The following OXR1 variants were observed in gnomAD, a reference collection of about 807,000 sequenced individuals.
The protein encoded by OXR1 is oxidation resistance protein 1.
A neutral mutation model predicts 104.6 loss-of-function variants in OXR1; 41 were observed. That is an observed-to-expected ratio of 0.39 (90% confidence interval 0.31 to 0.51). The LOEUF (loss-of-function observed/expected upper bound fraction) is 0.51, where lower values mean the gene tolerates loss of function less well. Among genes scored for constraint, OXR1 ranks in the 20% least tolerant of loss-of-function variants. OXR1 has a pLI of 0.77. For synonymous variants in OXR1, 348 were observed against 348.4 expected (o/e 1.00, Z 0.01); for missense variants, 955 against 1,031.9 (o/e 0.93, Z 1.02).
chr8:106,624,036 G>C (rs1821945316), intron 3 of OXR1, among the ~76,000 whole-genome samples: 1 of 152,148 alleles, frequency 6.6e-6, no homozygotes, highest in Non-Finnish European at 1.5e-5. Flanking sequence ...GTGTTATCCT[G>C]TGTCTGTTTA....
chr8:106,394,036 A>T (rs1817683169), intron 2 of OXR1, among the ~76,000 whole-genome samples: 1 of 152,108 alleles, frequency 6.6e-6, no homozygotes, highest in African/African-American at 2.4e-5. Context: ...AATTATTTTT[A>T]AAATGGAATC....
At chr8:106,700,777 T>C (rs965471050) in intron 7 of OXR1, among the ~76,000 whole-genome samples, 1 of 152,176 alleles carries the variant, frequency 6.6e-6, no homozygotes, top group East Asian at 1.9e-4. Flanking sequence ...TGTAGTATTA[T>C]GCTAGTGAAC....
At chr8:106,654,646 GA>G (rs1374134482) in intron 3 of OXR1, among the ~76,000 whole-genome samples, 1 of 152,010 alleles carries the variant, frequency 6.6e-6, no homozygotes, top group Non-Finnish European at 1.5e-5. Flanking sequence ...AAAACTCATA[GA>G]AAAAACATAA....
At chr8:106,448,094 A>G (rs1393016457) in intron 2 of OXR1, 3 of 1,532,238 alleles carry the variant, frequency 2.0e-6, no homozygotes, top group South Asian at 1.2e-5. Flanking sequence ...TTCCTGTGTT[A>G]TGAAGAAAAC....
At chr8:106,367,702 C>T (rs1288996102) in intron 2 of OXR1, among the ~76,000 whole-genome samples, 1 of 151,958 alleles carries the variant, frequency 6.6e-6, no homozygotes, top group African/African-American at 2.4e-5. Flanking sequence ...AATATGTCAG[C>T]ATGACAGATA....
At chr8:106,397,607 C>T (rs563373722) in intron 2 of OXR1, among the ~76,000 whole-genome samples, 1 of 151,708 alleles carries the variant, frequency 6.6e-6, no homozygotes, top group South Asian at 2.1e-4. Context: ...TGATTAGTTC[C>T]TGTTTGGGGA....
chr8:106,391,463 T>G (rs2130444512), intron 2 of OXR1, among the ~76,000 whole-genome samples: 1 of 152,304 alleles, frequency 6.6e-6, no homozygotes, highest in South Asian at 2.1e-4. Flanking sequence ...ACTCCTTGAC[T>G]TGAGTCATGA....
chr8:106,618,038 A>C (rs1821385147), intron 3 of OXR1: 1 of 1,525,050 alleles, frequency 6.6e-7, no homozygotes. Context: ...GGGCGGGAGG[A>C]GAAGGCACTC....
chr8:106,511,625 C>G, intron 2 of OXR1, among the ~76,000 whole-genome samples: 1 of 152,120 alleles, frequency 6.6e-6, no homozygotes, highest in East Asian at 1.9e-4. Context: ...ATAGCTACTA[C>G]TAGTATATAG....
At chr8:106,385,663 GT>G (rs1258261499) in intron 2 of OXR1, among the ~76,000 whole-genome samples, 1 of 152,166 alleles carries the variant, frequency 6.6e-6, no homozygotes, top group Admixed American at 6.5e-5. Flanking sequence ...TGTCTAAAAT[GT>G]GACTTGAAAC....
intron 2 of OXR1, among the ~76,000 whole-genome samples, chr8:106,513,508 A>G (rs1221728772): frequency 6.6e-6 from 1 of 152,138 alleles, no homozygotes; most frequent in African/African-American, 2.4e-5. Flanking sequence ...ACCACATTGC[A>G]TACCACATAA....
intron 3 of OXR1, among the ~76,000 whole-genome samples, chr8:106,578,936 T>C (rs1818038244): frequency 6.6e-6 from 1 of 151,856 alleles, no homozygotes; most frequent in South Asian, 2.1e-4. Flanking sequence ...ACCACTGCTA[T>C]AGTGGCATCT....
chr8:106,292,345 G>T (rs1218453358), intron 1 of OXR1, among the ~76,000 whole-genome samples: 1 of 152,142 alleles, frequency 6.6e-6, no homozygotes, highest in Non-Finnish European at 1.5e-5. Context: ...GCAAAAATCT[G>T]CAGTAAGACT....
At chr8:106,300,610 A>G (rs1241940380) in intron 1 of OXR1, among the ~76,000 whole-genome samples, 5 of 152,122 alleles carry the variant, frequency 3.3e-5, no homozygotes, top group Admixed American at 3.3e-4. Context: ...CTGCTGTTCT[A>G]CAAATATTCG....
intron 6 of OXR1, among the ~76,000 whole-genome samples, chr8:106,688,462 G>A (rs945827094): frequency 5.9e-5 from 9 of 152,096 alleles, no homozygotes; most frequent in Non-Finnish European, 1.0e-4. Flanking sequence ...GAAGGCCTAG[G>A]AAGTCCTAAA....
intron 11 of OXR1, among the ~76,000 whole-genome samples, chr8:106,736,508 G>T (rs1834389384): frequency 6.6e-6 from 1 of 152,124 alleles, no homozygotes; most frequent in African/African-American, 2.4e-5. Flanking sequence ...GTGCATTTTT[G>T]ATTGATTACA....
intron 1 of OXR1, among the ~76,000 whole-genome samples, chr8:106,343,756 C>T (rs1250831719): frequency 1.3e-5 from 2 of 152,174 alleles, no homozygotes; most frequent in Admixed American, 1.3e-4. Context: ...AAAGCGACTA[C>T]TTATAATGAA....
At chr8:106,675,279 A>G (rs988165770) in intron 3 of OXR1, among the ~76,000 whole-genome samples, 3 of 152,192 alleles carry the variant, frequency 2.0e-5, no homozygotes, top group African/African-American at 7.2e-5. Context: ...CAATACAAAT[A>G]TACAGAATTT....
chr8:106,444,581 A>G (rs961784823), intron 2 of OXR1, among the ~76,000 whole-genome samples: 2 of 152,214 alleles, frequency 1.3e-5, no homozygotes, highest in Admixed American at 6.5e-5. Context: ...GCAAACTAAC[A>G]CAGGAACAGC....
Sources: gnomAD v4.1 joint callset for allele counts (sites outside exome capture counted in the v4.1 genomes callset) on GRCh38, gnomAD v4.1.1 for gene constraint, MANE v1.5 for transcripts, NCBI Gene and HGNC (gene_info 2026-07-23, HGNC 2026-07-21) for gene names.